The following INPP1 variants were observed in gnomAD, a reference collection of about 807,000 sequenced individuals.
INPP1 encodes inositol polyphosphate-1-phosphatase.
In INPP1, 18 loss-of-function variants were observed where a neutral mutation model predicts 23.0. That is an observed-to-expected ratio of 0.78 (90% CI 0.54 to 1.16). INPP1 has a LOEUF of 1.16. Among genes scored for constraint, INPP1 ranks in the 50% most tolerant of loss-of-function variants. The pLI, the probability that INPP1 is intolerant of heterozygous loss-of-function variation, is 0.00. For missense variants in INPP1, 448 were observed against 482.1 expected, an observed-to-expected ratio of 0.93 and a Z score of 0.66; for synonymous variants, 164 against 176.3, an observed-to-expected ratio of 0.93 and a Z score of 0.55.
chr2:190,370,131 G>A (rs1002791295), intron 6 of INPP1, among the ~76,000 whole-genome samples: 6 of 152,172 alleles, frequency 3.9e-5, no homozygotes, highest in Admixed American at 1.3e-4. Context: ...ACATAATCAT[G>A]GCCTAGAAAT....
rs1345283779 is a variant in INPP1 at position 190,345,472 on chromosome 2, A to T, written c.-209+1511A>T. On this transcript the variant is annotated intron_variant, in intron 1 of 6. Transcript: ENST00000392329. This position sits in a 1 kb window ranked among gnomAD's most constrained non-coding sequence, Gnocchi z 4.9. ...TTTAATTCTGTCTCTAATAACAGTT[A>T]GAAAATGTCTCATTCTATTTCATGT... is the stretch of plus-strand genomic sequence containing the variant. 1 of 152,232 alleles carries T rather than the reference A, an allele frequency of 6.6e-6. No homozygotes were observed. Among genetic ancestry groups the T allele is most frequent in the Admixed American group, 6.5e-5 (1 of 15,282 alleles). 9.4% of individuals were successfully genotyped at this position (152,232 alleles called of 1,614,324 possible).
At chr2:190,370,502 C>A (rs1467992562) in intron 6 of INPP1, among the ~76,000 whole-genome samples, 1 of 152,144 alleles carries the variant, frequency 6.6e-6, no homozygotes, top group East Asian at 1.9e-4. Flanking sequence ...TTTTCTATTC[C>A]TTTTTCCCTA....
intron 1 of INPP1, among the ~76,000 whole-genome samples, chr2:190,347,255 C>T (rs1159208082): frequency 6.6e-6 from 1 of 152,026 alleles, no homozygotes; most frequent in Non-Finnish European, 1.5e-5. Context: ...TCGTGATCCA[C>T]CCGCCTTGGC....
intron 2 of INPP1, among the ~76,000 whole-genome samples, chr2:190,351,667 A>G (rs1212282324): frequency 6.6e-6 from 1 of 152,238 alleles, no homozygotes; most frequent in Non-Finnish European, 1.5e-5. Context: ...TCTCTGCTGT[A>G]TAGCATTTCA....
chr2:190,369,388 G>A, intron 6 of INPP1, 111 bp downstream of exon 6: 2 of 529,694 alleles, frequency 3.8e-6, no homozygotes, highest in Non-Finnish European at 6.7e-6. Flanking sequence ...ACACATGGGA[G>A]TGTTGCCATT....
chr2:190,344,097 G>C (rs1689169856), intron 1 of INPP1, 136 bp downstream of exon 1: 1 of 262,294 alleles, frequency 3.8e-6, no homozygotes. Flanking sequence ...ATGGCGCCGG[G>C]AGGGTTCCTC....
intron 2 of INPP1, 43 bp from the exon 3 acceptor site, chr2:190,359,996 C>T: frequency 2.6e-6 from 3 of 1,154,930 alleles, no homozygotes; most frequent in Non-Finnish European, 1.3e-6. Flanking sequence ...CCTGACATCA[C>T]TCTCTGAACT....
At position 190,371,377 on chromosome 2, in the gene INPP1, T is replaced by C. The variant is rs867566856; in HGVS notation, c.1175T>C (p.Leu392Pro). 6.5e-7 allele frequency: 1 copy of C among 1,531,578 alleles called. No homozygotes were observed. 94.9% of individuals were successfully genotyped at this position (1,531,578 alleles called of 1,614,324 possible). The stretch of plus-strand genomic sequence containing the variant: ...TTCCTGAGCCTCCTGGTCCAAAACC[T>C]GGCACCTGCAGAGACGCATACCTAG... ...ETFLSLLVQN[L>P]APAETHT The change falls in exon 7 of 7, where the codon CTG (leucine) becomes CCG (proline). Residue 392 changes from leucine (L) to proline (P), a missense_variant. Physicochemically the swap from Leu to Pro is moderately conservative, Grantham distance 98 (BLOSUM62 -3). Coordinates refer to ENST00000392329, the MANE Select transcript of INPP1 (RefSeq NM_001128928.2). This position sits in a 1 kb window ranked among gnomAD's most constrained non-coding sequence, Gnocchi z 5.3.
In INPP1 at chr2:190,354,503, G is replaced by A. The variant is rs141417743; in HGVS notation, c.-65+5472G>A. On this transcript the variant is annotated intron_variant, in intron 2 of 6. Coordinates refer to ENST00000392329, the MANE Select transcript of INPP1 (RefSeq NM_001128928.2). This position sits in a 1 kb window ranked among gnomAD's most constrained non-coding sequence, Gnocchi z 4.8. The stretch of plus-strand genomic sequence containing the variant: ...CGGATCCTTATCCAGTCTGACTGGC[G>A]TCCTTGTAAGAAAAGGGAGACATGC... Among the ~76,000 whole-genome samples the A allele has an allele frequency of 8.5e-4, 130 of 152,262 alleles. No homozygotes were observed. The highest frequency in any genetic ancestry group is 2.9e-3 in the African/African-American group (122 of 41,544).
chr2:190,366,541 C>T (rs1216758095), intron 4 of INPP1, among the ~76,000 whole-genome samples, 154 bp from the exon 5 acceptor site: 1 of 151,734 alleles, frequency 6.6e-6, no homozygotes, highest in Non-Finnish European at 1.5e-5. Flanking sequence ...GTCTCTCTCG[C>T]TCTTTCGCTC....
rs1334586166 is a variant in INPP1, at chr2:190,346,949, G to T, written c.-208-1939G>T. 6.7e-6 allele frequency among the ~76,000 whole-genome samples: 1 copy of T among 149,660 alleles called. No individual in the cohort carries two copies. The highest frequency in any genetic ancestry group is 1.5e-5 in the Non-Finnish European group (1 of 67,734). ...GATTTATTTGTTACCTCTTCCATGT[G>T]CCTGATTAAATAATTATAGGCAAGA... On this transcript the variant is annotated intron_variant, in intron 1 of 6. Coordinates refer to ENST00000392329, the MANE Select transcript of INPP1 (RefSeq NM_001128928.2). This position sits in a 1 kb window ranked among gnomAD's most constrained non-coding sequence, Gnocchi z 5.1.
At chr2:190,350,837 TCA>T (rs1400355851) in intron 2 of INPP1, among the ~76,000 whole-genome samples, 2 of 152,254 alleles carry the variant, frequency 1.3e-5, no homozygotes, top group East Asian at 3.8e-4. Flanking sequence ...ATTAATCTTG[TCA>T]CAGATAGGTC....
At chr2:190,358,253 A>AT (rs938768799) in intron 2 of INPP1, among the ~76,000 whole-genome samples, 10 of 150,026 alleles carry the variant, frequency 6.7e-5, no homozygotes, top group East Asian at 2.0e-4. Context: ...TAATTTTTGT[A>AT]TTTTTTTTTA....
intron 4 of INPP1, among the ~76,000 whole-genome samples, chr2:190,364,055 A>G (rs1262389798): frequency 6.6e-6 from 1 of 152,250 alleles, no homozygotes; most frequent in East Asian, 1.9e-4. Context: ...TACTGAGCCC[A>G]GAGTAGGTGT....
intron 4 of INPP1, 99 bp from the exon 5 acceptor site, chr2:190,366,574 GCTCTCTCTCTGTCTCTCTCTCT>G: frequency 1.4e-6 from 1 of 717,152 alleles, no homozygotes; most frequent in Non-Finnish European, 2.4e-6. Context: ...TGTGTCTCTC[GCTCTCTCTCTGTCTCTCTCTCT>G]CGCTCTCTCT....
intron 4 of INPP1, among the ~76,000 whole-genome samples, chr2:190,364,597 T>TATTA (rs201819052): frequency 1.1e-5 from 1 of 91,304 alleles, no homozygotes; most frequent in African/African-American, 5.3e-5. Flanking sequence ...CTGATTTTTT[T>TATTA]TTTTTTTTTG....
chr2:190,347,958 C>T (rs866636979), intron 1 of INPP1, among the ~76,000 whole-genome samples: 2 of 152,062 alleles, frequency 1.3e-5, no homozygotes, highest in Admixed American at 6.6e-5. Flanking sequence ...GCCAACATGG[C>T]GAAACCTGGT....
At chr2:190,360,398 A>C in intron 3 of INPP1, 92 bp downstream of exon 3, 1 of 996,258 alleles carries the variant, frequency 1.0e-6, no homozygotes, top group Non-Finnish European at 1.5e-6. Flanking sequence ...CCTCACCCCT[A>C]TCAGTATACT....
chr2:190,364,907 G>T (rs1004250475), intron 4 of INPP1, among the ~76,000 whole-genome samples: 10 of 151,942 alleles, frequency 6.6e-5, no homozygotes, highest in South Asian at 2.1e-4. Context: ...CTCAGCCTAA[G>T]GTTCTGACTT....
Sources: gnomAD v4.1 joint callset for allele counts (sites outside exome capture counted in the v4.1 genomes callset) on GRCh38, gnomAD v4.1.1 for gene constraint, Gnocchi (gnomAD v3.1) non-coding constraint, MANE v1.5 for transcripts, NCBI Gene and HGNC (gene_info 2026-07-23, HGNC 2026-07-21) for gene names.